NT5DC4: variants seen among roughly 807,000 people sequenced by gnomAD.
NT5DC4 encodes 5'-nucleotidase domain-containing protein 4.
A neutral mutation model predicts 26.6 loss-of-function variants in NT5DC4; 44 were observed. That is an observed-to-expected ratio of 1.65 (90% CI 1.30 to 2.13). NT5DC4 has a LOEUF of 2.13. Ranked by LOEUF, NT5DC4 falls within the 30% of genes most tolerant of loss-of-function variation. The pLI is 0.00. For synonymous variants in NT5DC4, 157 were observed against 86.7 expected (o/e 1.81, Z -4.51); for missense variants, 399 against 228.1 (o/e 1.75, Z -4.83).
At chr2:112,732,191 G>A (rs1016388724) in intron 16 of NT5DC4, among the ~76,000 whole-genome samples, 2 of 148,170 alleles carry the variant, frequency 1.3e-5, no homozygotes, top group East Asian at 2.0e-4. Flanking sequence ...GATTACAGGC[G>A]AGAGCCACCG....
intron 10 of NT5DC4, 25 bp downstream of exon 10, chr2:112,724,151 C>T (rs548957959): frequency 8.8e-5 from 63 of 716,096 alleles, no homozygotes; most frequent in South Asian, 4.6e-4. Flanking sequence ...GTTGCGTGCA[C>T]GGCTGGGGTG....
chr2:112,734,167 A>G (rs1281390997), intron 16 of NT5DC4, among the ~76,000 whole-genome samples: 1 of 5,260 alleles, frequency 1.9e-4, no homozygotes, highest in Non-Finnish European at 4.9e-4. Flanking sequence ...GCTATTATAT[A>G]TATGTGTGTG....
At chr2:112,721,791 T>C (rs1459133979) in intron 1 of NT5DC4, 27 bp from the exon 2 acceptor site, 1 of 717,190 alleles carries the variant, frequency 1.4e-6, no homozygotes, top group South Asian at 1.5e-5. Flanking sequence ...GGTGGACTGA[T>C]GCCAACATCC....
At chr2:112,724,408 A>C in intron 10 of NT5DC4, 1 of 580,698 alleles carries the variant, frequency 1.7e-6, no homozygotes. Context: ...GGCAGGTCAA[A>C]GGGAGGGGTG....
chr2:112,728,499 G>A (rs1007177353), intron 15 of NT5DC4, among the ~76,000 whole-genome samples: 2 of 152,164 alleles, frequency 1.3e-5, no homozygotes, highest in Non-Finnish European at 2.9e-5. Context: ...CCTGGAACCT[G>A]CACGTGTCAG....
intron 15 of NT5DC4, 44 bp downstream of exon 15, chr2:112,726,782 G>A (rs773225835): frequency 4.0e-5 from 29 of 717,042 alleles, no homozygotes; most frequent in South Asian, 3.0e-4. Context: ...CAGCAGGGGC[G>A]GAGCCGGGTT....
At chr2:112,723,914 C>T (rs1293894860) in intron 9 of NT5DC4, 112 bp downstream of exon 9, 2 of 692,352 alleles carry the variant, frequency 2.9e-6, no homozygotes, top group Non-Finnish European at 5.4e-6. Context: ...ACCCTCCTAC[C>T]CCCACCACTG....
At chr2:112,736,374 G>C (rs548396440) in intron 16 of NT5DC4, among the ~76,000 whole-genome samples, 3 of 152,016 alleles carry the variant, frequency 2.0e-5, no homozygotes, top group Non-Finnish European at 4.4e-5. Flanking sequence ...TATTTTATTA[G>C]GTATATTTAA....
chr2:112,736,283 G>C (rs1290778892), intron 16 of NT5DC4, among the ~76,000 whole-genome samples: 1 of 152,130 alleles, frequency 6.6e-6, no homozygotes, highest in Non-Finnish European at 1.5e-5. Flanking sequence ...TTCAGATTTT[G>C]TGATCTCTAA....
At chr2:112,727,005 G>A (rs1255892479) in intron 15 of NT5DC4, 2 of 529,916 alleles carry the variant, frequency 3.8e-6, no homozygotes, top group Non-Finnish European at 6.9e-6. Flanking sequence ...CAATCACCCT[G>A]CCCGGGAAGT....
chr2:112,719,968 T>TTCTC, upstream of NT5DC4, among the ~76,000 whole-genome samples: 1 of 121,090 alleles, frequency 8.3e-6, no homozygotes, highest in African/African-American at 3.4e-5. Context: ...CTTTCTTTCT[T>TTCTC]TCTTTCTTTC....
In NT5DC4 at chr2:112,723,520, C is replaced by T. The variant is rs559653717; in HGVS notation, c.672+52C>T. 2.7e-5 allele frequency: 19 copies of T among 713,358 alleles called. No homozygotes were observed. The East Asian group carries it at 5.1e-4, about 19-fold the overall frequency. 44.2% of individuals were successfully genotyped at this position (713,358 alleles called of 1,614,324 possible). On this transcript the variant is annotated intron_variant, in intron 8 of 16. Transcript: ENST00000688554. ...GGCCATCACCCCCAAAGCAGCAGGG[C>T]TGCCCCCGCAACCCTTCTCTGGCTT...
At chr2:112,721,363 C>T in intron 1 of NT5DC4, 1 of 664,944 alleles carries the variant, frequency 1.5e-6, no homozygotes, top group Non-Finnish European at 2.8e-6. Flanking sequence ...GTCCTCTTCA[C>T]TTCCTTCCCT....
intron 15 of NT5DC4, 85 bp from the exon 16 acceptor site, chr2:112,729,542 A>T: frequency 1.4e-6 from 1 of 702,204 alleles, no homozygotes; most frequent in Non-Finnish European, 2.7e-6. Flanking sequence ...AGCTGTGGGC[A>T]GGGGAGCCTG....
At chr2:112,724,408 A>T (rs1375055026) in intron 10 of NT5DC4, 2 of 580,580 alleles carry the variant, frequency 3.4e-6, no homozygotes, top group Non-Finnish European at 6.2e-6. Flanking sequence ...GGCAGGTCAA[A>T]GGGAGGGGTG....
intron 14 of NT5DC4, 30 bp from the exon 15 acceptor site, chr2:112,726,648 C>T (rs1677762727): frequency 4.2e-6 from 3 of 717,352 alleles, no homozygotes; most frequent in Non-Finnish European, 7.8e-6. Context: ...TCTGTGCCTC[C>T]CCTGGGTCAC....
At chr2:112,742,404 T>C, downstream of NT5DC4, 1 of 717,600 alleles carries the variant, frequency 1.4e-6, no homozygotes, top group Non-Finnish European at 2.6e-6. Context: ...TTCTCCTTTC[T>C]GCCTCAGTCT....
rs1677581628 is a variant in NT5DC4, at chr2:112,725,452, T to A, written c.1053T>A (p.Ile351=). The A allele has an allele frequency of 2.8e-6, 2 of 716,944 alleles. No individual in the cohort carries two copies. Among genetic ancestry groups the A allele is most frequent in the Non-Finnish European group, 5.2e-6 (2 of 384,950 alleles). The allele number at this position is 716,944 out of a possible 1,614,324, so 44.4% of individuals were successfully genotyped here. Residue 351 remains isoleucine, a synonymous_variant, in exon 13 of 17, where the codon ATT becomes ATA. Coordinates refer to ENST00000688554, the MANE Select transcript of NT5DC4 (RefSeq NM_001393655.1). ...ACATCCTGTACATTGGGGACCACAT[T>A]TTTGGGGACATTCTCAAGTCCAAGA... ...GMDILYIGDH[I]FGDILKSKKR... is the part of the protein sequence containing the mutation.
At chr2:112,726,828 G>A (rs1255869522) in intron 15 of NT5DC4, 90 bp downstream of exon 15, 37 of 711,218 alleles carry the variant, frequency 5.2e-5, no homozygotes, top group South Asian at 2.2e-4. Flanking sequence ...CTTTGTCCTC[G>A]GTGCCAAAGG....
Sources: allele counts gnomAD v4.1 joint callset (sites outside exome capture counted in the v4.1 genomes callset), GRCh38; gene constraint gnomAD v4.1.1; transcripts MANE v1.5; gene names NCBI Gene and HGNC (gene_info 2026-07-23, HGNC 2026-07-21).